ATXN7L1: variants seen among roughly 807,000 people sequenced by gnomAD.
The protein encoded by ATXN7L1 is ataxin-7-like protein 1.
A neutral mutation model predicts 70.8 loss-of-function variants in ATXN7L1; 15 were observed. The ratio of observed to expected loss-of-function variants is 0.21; its 90% CI spans 0.14 to 0.33. The LOEUF (loss-of-function observed/expected upper bound fraction) is 0.33. Among genes scored for constraint, ATXN7L1 ranks in the 10% least tolerant of loss-of-function variants. The pLI is 1.00. For missense variants in ATXN7L1, 975 were observed against 1,097.1 expected, an observed-to-expected ratio of 0.89 and a Z score of 1.57; for synonymous variants, 440 against 445.1, an observed-to-expected ratio of 0.99 and a Z score of 0.14.
intron 10 of ATXN7L1, 35 bp downstream of exon 10, chr7:105,613,827 A>G: frequency 3.9e-6 from 6 of 1,551,710 alleles, no homozygotes; most frequent in Non-Finnish European, 5.2e-6. Flanking sequence ...CCTGCCCCCC[A>G]GAGCCGGTGA....
intron 2 of ATXN7L1, among the ~76,000 whole-genome samples, chr7:105,853,009 T>C (rs1050085492): frequency 3.3e-5 from 5 of 151,982 alleles, no homozygotes; most frequent in African/African-American, 1.2e-4. Context: ...TTAGAATAGG[T>C]GACTTCATAG....
chr7:105,692,932 G>T (rs1791206329), intron 3 of ATXN7L1, among the ~76,000 whole-genome samples: 1 of 151,930 alleles, frequency 6.6e-6, no homozygotes, highest in East Asian at 1.9e-4. Context: ...CCACCAGGCT[G>T]GTCTCAAACT....
chr7:105,694,400 C>T (rs1791442169), intron 3 of ATXN7L1, among the ~76,000 whole-genome samples: 1 of 152,116 alleles, frequency 6.6e-6, no homozygotes, highest in Non-Finnish European at 1.5e-5. Context: ...GTTAAAGTAG[C>T]CCCAGGATTT....
intron 2 of ATXN7L1, among the ~76,000 whole-genome samples, chr7:105,859,406 C>CATACAT (rs1191952994): frequency 2.0e-5 from 3 of 152,074 alleles, no homozygotes; most frequent in Admixed American, 6.6e-5. Context: ...TATATATACA[C>CATACAT]ATACATATAC....
intron 9 of ATXN7L1, among the ~76,000 whole-genome samples, chr7:105,616,346 C>T (rs559400552): frequency 3.3e-5 from 5 of 152,198 alleles, no homozygotes; most frequent in South Asian, 2.1e-4. Context: ...TCTCTCCTAG[C>T]GTTCCTCTCT....
intron 3 of ATXN7L1, among the ~76,000 whole-genome samples, chr7:105,754,948 G>A (rs904579236): frequency 2.0e-5 from 3 of 152,162 alleles, no homozygotes; most frequent in Admixed American, 6.5e-5. Flanking sequence ...AGTCCTGTGG[G>A]TACCATCCAG....
At chr7:105,813,151 T>C (rs564142261) in intron 2 of ATXN7L1, among the ~76,000 whole-genome samples, 1 of 152,210 alleles carries the variant, frequency 6.6e-6, no homozygotes, top group African/African-American at 2.4e-5. Context: ...CTTTTCCACA[T>C]ACATTTCATG....
intron 2 of ATXN7L1, among the ~76,000 whole-genome samples, chr7:105,825,725 A>G (rs1335931935): frequency 2.6e-5 from 4 of 152,122 alleles, no homozygotes; most frequent in African/African-American, 9.7e-5. Flanking sequence ...AAGGGAACAG[A>G]TTTGGATACT....
At chr7:105,624,043 G>C in intron 8 of ATXN7L1, 32 bp downstream of exon 8, 1 of 1,373,364 alleles carries the variant, frequency 7.3e-7, no homozygotes. Flanking sequence ...CACAGGCGAA[G>C]AACGCATGGC....
At chr7:105,784,459 C>CT (rs1803985524) in intron 3 of ATXN7L1, among the ~76,000 whole-genome samples, 1 of 150,772 alleles carries the variant, frequency 6.6e-6, no homozygotes, top group Non-Finnish European at 1.5e-5. Context: ...CACACACACA[C>CT]TTTTTTCAAT....
At chr7:105,629,336 C>G (rs1211206178) in intron 7 of ATXN7L1, among the ~76,000 whole-genome samples, 4 of 151,984 alleles carry the variant, frequency 2.6e-5, no homozygotes, top group Non-Finnish European at 4.4e-5. Context: ...TTTTTAGATT[C>G]CACCTGTAAC....
intron 6 of ATXN7L1, among the ~76,000 whole-genome samples, chr7:105,638,823 T>C (rs1319407478): frequency 1.3e-5 from 2 of 152,074 alleles, no homozygotes; most frequent in African/African-American, 4.8e-5. Context: ...AAGCCAAAGC[T>C]TCCTCCAAAA....
At chr7:105,664,712 G>C (rs958171300) in intron 4 of ATXN7L1, among the ~76,000 whole-genome samples, 3 of 151,434 alleles carry the variant, frequency 2.0e-5, no homozygotes, top group African/African-American at 7.3e-5. Context: ...GATTACAGGT[G>C]TGTGCCACCA....
chr7:105,657,160 G>A (rs1040236864), intron 4 of ATXN7L1, among the ~76,000 whole-genome samples: 1 of 152,134 alleles, frequency 6.6e-6, no homozygotes, highest in Non-Finnish European at 1.5e-5. Flanking sequence ...AACGAACTTG[G>A]GCAGGGAGTT....
intron 2 of ATXN7L1, among the ~76,000 whole-genome samples, chr7:105,851,914 G>A (rs745632381): frequency 1.3e-5 from 2 of 152,186 alleles, no homozygotes; most frequent in African/African-American, 2.4e-5. Flanking sequence ...TTCTGTGTCT[G>A]TACACAGTAA....
intron 2 of ATXN7L1, among the ~76,000 whole-genome samples, chr7:105,814,269 A>C (rs1563114984): frequency 1.3e-5 from 2 of 152,140 alleles, no homozygotes; most frequent in Non-Finnish European, 2.9e-5. Flanking sequence ...GCAATTCACT[A>C]TCCTCACTCC....
intron 3 of ATXN7L1, among the ~76,000 whole-genome samples, chr7:105,704,709 CA>C (rs1237840014): frequency 6.8e-6 from 1 of 146,650 alleles, no homozygotes; most frequent in African/African-American, 2.5e-5. Flanking sequence ...CTCCTGGGTT[CA>C]AGTGATTCTT....
rs144646076 is a variant in ATXN7L1 at position 105,613,085 on chromosome 7, G to A, written c.2472+777C>T. ...CCAACTGGCCCCCAGAGGCTGGGGC[G>A]GGGGTGGTGGTGGGCTTTCCTAAGT... On this transcript the variant is annotated intron_variant, in intron 10 of 11. Coordinates refer to ENST00000419735, the MANE Select transcript of ATXN7L1 (RefSeq NM_020725.2). Among the ~76,000 whole-genome samples, 1,303 of 152,298 alleles carry A rather than the reference G, an allele frequency of 8.6e-3. 14 individuals are homozygous for A. Among genetic ancestry groups the A allele is most frequent in the African/African-American group, 0.028 (1,183 of 41,572 alleles).
rs766922391 is a variant in ATXN7L1, at chr7:105,876,594, G to T, written c.-36C>A. 2.7e-6 allele frequency: 4 copies of T among 1,496,752 alleles called. No homozygotes were observed. The highest frequency in any genetic ancestry group is 1.2e-5 in the South Asian group (1 of 83,608). The allele number at this position is 1,496,752 out of a possible 1,614,324, so 92.7% of individuals were successfully genotyped here. A position where few individuals can be genotyped will look rare whatever the true frequency, so the allele number is the denominator to read the frequency against. On this transcript the variant is annotated 5_prime_UTR_variant, in exon 1 of 12. Coordinates refer to ENST00000419735, the MANE Select transcript of ATXN7L1 (RefSeq NM_020725.2). ...TTCCGACATTGAGTGTTCTGAAAGG[G>T]GGAGGGAGGGAGGAAGGGCGGGATG...
Sources: allele counts gnomAD v4.1 joint callset (sites outside exome capture counted in the v4.1 genomes callset), GRCh38; gene constraint gnomAD v4.1.1; transcripts MANE v1.5; gene names NCBI Gene and HGNC (gene_info 2026-07-23, HGNC 2026-07-21).